Variants in ACVR1 observed in about 807,000 individuals in gnomAD.
ACVR1 encodes the protein activin receptor type-1.
Under a neutral mutation model 57.1 loss-of-function variants are expected in ACVR1, and 38 were observed. That is an observed-to-expected ratio of 0.67 (90% CI 0.51 to 0.87). ACVR1 has a LOEUF of 0.87. Among genes scored for constraint, ACVR1 ranks in the 40% least tolerant of loss-of-function variants. The pLI is 0.00. For synonymous variants in ACVR1, 212 were observed against 228.1 expected (o/e 0.93, Z 0.63); for missense variants, 463 against 638.2 (o/e 0.73, Z 2.96).
chr2:157,829,822 C>A (rs1379153371), intron 1 of ACVR1, among the ~76,000 whole-genome samples: 2 of 152,174 alleles, frequency 1.3e-5, no homozygotes, highest in Non-Finnish European at 2.9e-5. Flanking sequence ...CTTAAAAGTG[C>A]ATTTTAATTT....
intron 1 of ACVR1, among the ~76,000 whole-genome samples, chr2:157,826,226 A>G (rs1559080224): frequency 6.6e-6 from 1 of 152,176 alleles, no homozygotes; most frequent in Non-Finnish European, 1.5e-5. Context: ...CCTTCACTAG[A>G]CAGATATTTA....
chr2:157,829,738 C>T (rs1416641035), intron 1 of ACVR1, among the ~76,000 whole-genome samples: 3 of 152,194 alleles, frequency 2.0e-5, no homozygotes, highest in African/African-American at 7.2e-5. Flanking sequence ...CCCAAAGCCC[C>T]CATGTCTACA....
rs560136378 is a variant in ACVR1 at position 157,861,747 on chromosome 2, C to T, written c.-183+14049G>A. Among the ~76,000 whole-genome samples the T allele has an allele frequency of 1.6e-4, 25 of 152,248 alleles. 1 individual carries two copies. Among genetic ancestry groups the T allele is most frequent in the Middle Eastern group, 3.4e-3 (1 of 294 alleles). ...AATGTAGTCACAGCTGTCAAAATCA[C>T]GGGCAATGCATCATACTTAAGAGAG... On this transcript the variant is annotated intron_variant, in intron 1 of 10. Transcript: ENST00000434821.
intron 6 of ACVR1, 132 bp from the exon 7 acceptor site, chr2:157,770,646 G>T: frequency 1.1e-6 from 1 of 948,878 alleles, no homozygotes; most frequent in Non-Finnish European, 1.6e-6. Context: ...ACTCAGCTTG[G>T]GAATATAAAT....
chr2:157,837,723 A>C (rs1276401687), intron 1 of ACVR1, among the ~76,000 whole-genome samples: 1 of 152,144 alleles, frequency 6.6e-6, no homozygotes, highest in Admixed American at 6.5e-5. Context: ...ATTAAGTTTT[A>C]ATCAGATGTG....
At chr2:157,779,307 G>T (rs908733054) in intron 4 of ACVR1, among the ~76,000 whole-genome samples, 1 of 152,176 alleles carries the variant, frequency 6.6e-6, no homozygotes, top group Non-Finnish European at 1.5e-5. Flanking sequence ...AACTCACAAA[G>T]TATAACAGTA....
intron 9 of ACVR1, among the ~76,000 whole-genome samples, chr2:157,742,887 G>A (rs1182161129): frequency 2.6e-5 from 4 of 152,074 alleles, no homozygotes; most frequent in Non-Finnish European, 4.4e-5. Flanking sequence ...GTCCTCCCCT[G>A]CCAACCTCCA....
intron 1 of ACVR1, among the ~76,000 whole-genome samples, chr2:157,865,727 G>A (rs1689894840): frequency 1.3e-5 from 2 of 151,236 alleles, no homozygotes; most frequent in Admixed American, 1.3e-4. Context: ...GGGAGGCAGA[G>A]GTTGTTGCAG....
At chr2:157,836,641 C>T (rs1688791860) in intron 1 of ACVR1, among the ~76,000 whole-genome samples, 1 of 152,160 alleles carries the variant, frequency 6.6e-6, no homozygotes, top group African/African-American at 2.4e-5. Context: ...CTTTCCCAAC[C>T]AGGAAATCAT....
At chr2:157,758,491 G>A (rs1293540351) in intron 9 of ACVR1, among the ~76,000 whole-genome samples, 1 of 151,866 alleles carries the variant, frequency 6.6e-6, no homozygotes, top group Non-Finnish European at 1.5e-5. Flanking sequence ...AATCATAAAG[G>A]AAGAGAGAAT....
intron 3 of ACVR1, among the ~76,000 whole-genome samples, chr2:157,785,823 G>A (rs769684466): frequency 2.0e-5 from 3 of 152,060 alleles, no homozygotes; most frequent in Non-Finnish European, 2.9e-5. Flanking sequence ...GTATTCTTCC[G>A]CCAATGTTCC....
At chr2:157,760,741 A>C in intron 9 of ACVR1, 139 bp downstream of exon 9, 1 of 814,714 alleles carries the variant, frequency 1.2e-6, no homozygotes, top group Non-Finnish European at 2.0e-6. Flanking sequence ...CCAGCCATAA[A>C]TCAAATATGA....
intron 5 of ACVR1, among the ~76,000 whole-genome samples, chr2:157,774,892 G>A (rs201824084): frequency 4.9e-5 from 4 of 81,874 alleles, no homozygotes; most frequent in African/African-American, 2.2e-4. Context: ...AGAAAAGGGT[G>A]GGGGGGGTCC....
At chr2:157,833,330 A>G (rs1034368481) in intron 1 of ACVR1, among the ~76,000 whole-genome samples, 2 of 152,138 alleles carry the variant, frequency 1.3e-5, no homozygotes, top group Non-Finnish European at 2.9e-5. Flanking sequence ...AGCATTACCC[A>G]AAACCCCAGG....
At chr2:157,832,607 A>T (rs1173691676) in intron 1 of ACVR1, among the ~76,000 whole-genome samples, 1 of 152,104 alleles carries the variant, frequency 6.6e-6, no homozygotes, top group Non-Finnish European at 1.5e-5. Flanking sequence ...CAAAACAGAG[A>T]CATTTTCTAT....
intron 6 of ACVR1, 83 bp downstream of exon 6, chr2:157,774,005 A>G (rs1247177640): frequency 1.7e-6 from 2 of 1,202,718 alleles, no homozygotes; most frequent in African/African-American, 3.0e-5. Flanking sequence ...AACAAAAAGC[A>G]GATTTTCCAA....
chr2:157,770,482 T>C lies in ACVR1; in HGVS notation c.676A>G (p.Ser226Gly), dbSNP rs902199134. The change falls in exon 7 of 11, where the codon AGC becomes GGC. Residue 226 changes from serine (S) to glycine (G), a missense_variant. Around this residue, in one of 3 missense-constraint regions of ACVR1, gnomAD observed 114 missense variants for 216.2 expected, o/e 0.53. Coordinates refer to ENST00000434821, the MANE Select transcript of ACVR1 (RefSeq NM_001111067.4). ...KGRYGEVWRG[S>G]WQGENVAVKI... The stretch of plus-strand genomic sequence containing the variant: ...ACGGCAACATTCTCCCCTTGCCAGC[T>C]GCCCCTCCACACCTCACCATACCTG... The C allele has an allele frequency of 6.2e-7, 1 of 1,613,960 alleles. No homozygotes were observed. The highest frequency in any genetic ancestry group is 1.3e-5 in the African/African-American group (1 of 74,904).
chr2:157,794,722 G>C (rs1333436519), intron 3 of ACVR1, among the ~76,000 whole-genome samples: 1 of 151,984 alleles, frequency 6.6e-6, no homozygotes, highest in Non-Finnish European at 1.5e-5. Flanking sequence ...CCCAATATCT[G>C]GTGCATTTTA....
At chr2:157,750,084 C>T (rs559932099) in intron 9 of ACVR1, among the ~76,000 whole-genome samples, 1 of 152,346 alleles carries the variant, frequency 6.6e-6, no homozygotes, top group Non-Finnish European at 1.5e-5. Context: ...GAATGACCTG[C>T]CCTGCTGGTC....
Sources: gnomAD v4.1 joint callset for allele counts (sites outside exome capture counted in the v4.1 genomes callset) on GRCh38, gnomAD v4.1.1 for gene constraint, gnomAD v4.1.1 regional missense constraint, MANE v1.5 for transcripts, NCBI Gene and HGNC (gene_info 2026-07-23, HGNC 2026-07-21) for gene names.